CEP162: variants seen among roughly 807,000 people sequenced by gnomAD.
CEP162 encodes the protein centrosomal protein of 162 kDa.
In CEP162, 141 loss-of-function variants were observed where a neutral mutation model predicts 169.2. That is an observed-to-expected ratio of 0.83 (90% confidence interval 0.73 to 0.96). The LOEUF is 0.96. Ranked by LOEUF, CEP162 falls within the 40% of genes least tolerant of loss-of-function variation. The probability of loss-of-function intolerance (pLI) is 0.00; values close to 1 mark genes in which losing one functional copy is unlikely to be tolerated. For missense variants in CEP162, 1,600 were observed against 1,587.2 expected, an observed-to-expected ratio of 1.01 and a Z score of -0.14; for synonymous variants, 540 against 526.4, an observed-to-expected ratio of 1.03 and a Z score of -0.35.
rs568843467 is a variant in CEP162 at position 84,174,243 on chromosome 6, A to T, written c.2026-55T>A. On this transcript the variant is annotated intron_variant, in intron 15 of 26. Coordinates refer to ENST00000403245, the MANE Select transcript of CEP162 (RefSeq NM_014895.4). ...TGGGGAAGGAAATGATAAGGTGAGAAGTGAGAAAGAATAACAGGAAACTCC... is the reference window on the plus strand; with the variant it reads ...TGGGGAAGGAAATGATAAGGTGAGATGTGAGAAAGAATAACAGGAAACTCC... 2.1e-6 allele frequency: 3 copies of T among 1,408,662 alleles called. No individual in the cohort carries two copies. In the African/African-American group the frequency reaches 4.3e-5, roughly 20 times the overall value. The allele number at this position is 1,408,662 out of a possible 1,614,324, so 87.3% of individuals were successfully genotyped here.
At chr6:84,224,175 A>G (rs902949578) in intron 2 of CEP162, among the ~76,000 whole-genome samples, 1 of 152,234 alleles carries the variant, frequency 6.6e-6, no homozygotes, top group Non-Finnish European at 1.5e-5. Flanking sequence ...AAAATGTGGT[A>G]CATCTACACA....
At chr6:84,140,119 G>C (rs1034484354) in intron 25 of CEP162, among the ~76,000 whole-genome samples, 4 of 152,150 alleles carry the variant, frequency 2.6e-5, no homozygotes, top group Admixed American at 2.6e-4. Flanking sequence ...ACAAGCATTG[G>C]CTTGTGTCAG....
At chr6:84,172,191 T>C (rs546925838) in intron 16 of CEP162, among the ~76,000 whole-genome samples, 1 of 152,240 alleles carries the variant, frequency 6.6e-6, no homozygotes, top group African/African-American at 2.4e-5. Context: ...TACCTACGGG[T>C]GCTCATACTT....
chr6:84,222,732 A>G (rs1274488240), intron 2 of CEP162, among the ~76,000 whole-genome samples: 1 of 152,200 alleles, frequency 6.6e-6, no homozygotes, highest in Non-Finnish European at 1.5e-5. Flanking sequence ...TATCTGAGTG[A>G]CCTTTTAAAC....
At chr6:84,216,294 T>C (rs529331264) in intron 3 of CEP162, among the ~76,000 whole-genome samples, 8 of 152,244 alleles carry the variant, frequency 5.3e-5, no homozygotes, top group African/African-American at 1.9e-4. Flanking sequence ...CTTAACACTA[T>C]TGGAAATAGA....
chr6:84,133,023 T>C (rs1353065681), intron 25 of CEP162, among the ~76,000 whole-genome samples: 1 of 152,176 alleles, frequency 6.6e-6, no homozygotes, highest in East Asian at 1.9e-4. Context: ...GATGGTGACC[T>C]AGATATGTGG....
chr6:84,178,634 T>C (rs1329517994), intron 13 of CEP162, among the ~76,000 whole-genome samples: 1 of 152,204 alleles, frequency 6.6e-6, no homozygotes, highest in Admixed American at 6.5e-5. Context: ...GATGCCAAGC[T>C]AGCCACTTTG....
intron 25 of CEP162, among the ~76,000 whole-genome samples, chr6:84,146,442 G>A (rs577729288): frequency 6.3e-4 from 96 of 151,840 alleles, no homozygotes; most frequent in African/African-American, 2.2e-3. Context: ...AACATCTCCC[G>A]TCCCATTTTC....
chr6:84,157,956 G>C (rs1221697717), intron 21 of CEP162, among the ~76,000 whole-genome samples: 1 of 152,138 alleles, frequency 6.6e-6, no homozygotes, highest in African/African-American at 2.4e-5. Flanking sequence ...AGGAGGATTA[G>C]ATAACATTTA....
At chr6:84,200,730 C>T (rs200233792) in intron 9 of CEP162, 59 bp downstream of exon 9, 903 of 769,344 alleles carry the variant, frequency 1.2e-3, no homozygotes, top group Non-Finnish European at 1.8e-3. Flanking sequence ...GAAATGTAGT[C>T]ATATTAGTCA....
chr6:84,146,587 A>ATATC (rs1224979937), intron 25 of CEP162, 100 bp downstream of exon 25: 10 of 556,538 alleles, frequency 1.8e-5, no homozygotes, highest in Admixed American at 1.4e-4. Context: ...CTTTCAGGTT[A>ATATC]TATCTATTTG....
chr6:84,215,305 A>G lies in CEP162; in HGVS notation c.480T>C (p.Ser160=). 1.3e-6 allele frequency: 2 copies of G among 1,587,564 alleles called. No homozygotes were observed. The highest frequency in any genetic ancestry group is 2.3e-5 in the South Asian group (2 of 88,042). The change falls in exon 5 of 27, where the codon TCT becomes TCC. Residue 160 remains serine (S), a synonymous_variant. Coordinates refer to ENST00000403245, the MANE Select transcript of CEP162 (RefSeq NM_014895.4). ...RLNKELDSND[S]THFKALHSNQ... ...ACCTATGTAAAGCTTTAAAATGTGT[A>G]GAGTCATTAGAATCCAATTCCTTAT...
intron 11 of CEP162, among the ~76,000 whole-genome samples, chr6:84,188,103 CA>C (rs200434055): frequency 0.04 from 3,235 of 80,518 alleles, 73 homozygotes; most frequent in African/African-American, 0.12. Flanking sequence ...GACTCCGTCT[CA>C]AAAAAAAAAA....
chr6:84,140,721 C>T (rs546753557), intron 25 of CEP162, among the ~76,000 whole-genome samples: 26 of 152,148 alleles, frequency 1.7e-4, no homozygotes, highest in Middle Eastern at 3.4e-3. Context: ...GATGATGTCT[C>T]GTCATATTGC....
rs1459099276 is a variant in CEP162, at chr6:84,147,132, T to TAC, written c.3772-349_3772-348dup. Among the ~76,000 whole-genome samples, 8 of 152,162 alleles carry TAC rather than the reference T, an allele frequency of 5.3e-5. No homozygotes were observed. The South Asian group carries it at 1.7e-3, about 32-fold the overall frequency. On this transcript the variant is annotated intron_variant, in intron 24 of 26. Coordinates refer to ENST00000403245, the MANE Select transcript of CEP162 (RefSeq NM_014895.4). ...CAGACGAAAAGAAATGTGATATATA[T>TAC]ACCCAATGGAATACAATTCAGCCTT...
intron 13 of CEP162, among the ~76,000 whole-genome samples, chr6:84,176,017 T>C (rs1220047012): frequency 1.3e-5 from 2 of 152,112 alleles, no homozygotes; most frequent in Non-Finnish European, 1.5e-5. Context: ...AAGGCTAATA[T>C]AGTATTCAGT....
At chr6:84,169,644 A>G (rs1283272366) in intron 17 of CEP162, among the ~76,000 whole-genome samples, 1 of 152,184 alleles carries the variant, frequency 6.6e-6, no homozygotes, top group Non-Finnish European at 1.5e-5. Flanking sequence ...CTATTCTAAA[A>G]GAACTGAAAC....
At position 84,146,784 on chromosome 6, in the gene CEP162, A is replaced by G; in HGVS notation, c.3773T>C (p.Val1258Ala). Residue 1258 changes from valine to alanine, a missense_variant and splice_region_variant, in exon 25 of 27, where the codon GTA (valine) becomes GCA (alanine). Coordinates refer to ENST00000403245, the MANE Select transcript of CEP162 (RefSeq NM_014895.4). ...TTGACTTTGGAAATGTCTTATAAGT[A>G]CCTAGGAAATTGTTAGAAGTGCTGA... is the stretch of plus-strand genomic sequence containing the variant. ...ELNRKIATQE[V>A]LIRHFQSQVN... is the part of the protein sequence containing the mutation. 1 of 1,508,932 alleles carries G rather than the reference A, an allele frequency of 6.6e-7. No homozygotes were observed. Among genetic ancestry groups the G allele is most frequent in the Non-Finnish European group, 9.1e-7 (1 of 1,104,932 alleles). 93.5% of individuals were successfully genotyped at this position (1,508,932 alleles called of 1,614,324 possible).
intron 11 of CEP162, among the ~76,000 whole-genome samples, chr6:84,187,701 C>T (rs147355082): frequency 8.5e-5 from 13 of 152,242 alleles, no homozygotes; most frequent in African/African-American, 2.2e-4. Context: ...TCTGGAGAGA[C>T]GGCAGCCTAT....
Sources: gnomAD v4.1 joint callset for allele counts (sites outside exome capture counted in the v4.1 genomes callset) on GRCh38, gnomAD v4.1.1 for gene constraint, MANE v1.5 for transcripts, NCBI Gene and HGNC (gene_info 2026-07-23, HGNC 2026-07-21) for gene names.